The following ABHD12 variants were observed in gnomAD, a reference collection of about 807,000 sequenced individuals.
The protein encoded by ABHD12 is lysophosphatidylserine lipase ABHD12.
In ABHD12, 43 loss-of-function variants were observed where a neutral mutation model predicts 58.3. The observed-to-expected ratio is 0.74, with a 90% CI of 0.58 to 0.95. The LOEUF (loss-of-function observed/expected upper bound fraction) is 0.95, where lower values mean the gene tolerates loss of function less well. Ranked by LOEUF, ABHD12 falls within the 40% of genes least tolerant of loss-of-function variation. The pLI is 0.00. For synonymous variants in ABHD12, 219 were observed against 211.2 expected (o/e 1.04, Z -0.32); for missense variants, 539 against 537.2 (o/e 1.00, Z -0.03).
intron 1 of ABHD12, among the ~76,000 whole-genome samples, chr20:25,384,958 T>C (rs1045476609): frequency 6.6e-6 from 1 of 151,938 alleles, no homozygotes; most frequent in Admixed American, 6.6e-5. Flanking sequence ...AAAACATGTG[T>C]GTGTGTGTAT....
chr20:25,297,424 T>G (rs1370208743), downstream of ABHD12: 1 of 152,556 alleles, frequency 6.6e-6, no homozygotes, highest in Non-Finnish European at 1.5e-5. Context: ...GCCCTCCCGC[T>G]GACTCCTGCT....
chr20:25,342,648 G>A (rs1400102074), intron 1 of ABHD12, among the ~76,000 whole-genome samples: 1 of 152,064 alleles, frequency 6.6e-6, no homozygotes, highest in Non-Finnish European at 1.5e-5. Context: ...ACCCAAGCTG[G>A]AGTGCGGTGG....
At position 25,317,273 on chromosome 20, in the gene ABHD12, G is replaced by A. The variant is rs2297497; in HGVS notation, c.543-195C>T. Reference sequence around the variant, plus strand: ...GGGGAGATGGTCTTAGCACTTTGGGGGAGATTTCTTAATGACTGCTTTTAT... The same window carrying A: ...GGGGAGATGGTCTTAGCACTTTGGGAGAGATTTCTTAATGACTGCTTTTAT... On this transcript the variant is annotated intron_variant, in intron 4 of 12. Coordinates refer to ENST00000339157, the MANE Select transcript of ABHD12 (RefSeq NM_001042472.3). 0.55 allele frequency among the ~76,000 whole-genome samples: 83,603 copies of A among 151,968 alleles called. 23,619 individuals carry two copies. Among genetic ancestry groups the A allele is most frequent in the Admixed American group, 0.62 (9,413 of 15,282 alleles).
At position 25,300,903 on chromosome 20, in the gene ABHD12, A is replaced by C; in HGVS notation, c.1158-19T>G. The C allele has an allele frequency of 6.2e-7, 1 of 1,612,736 alleles. No individual in the cohort carries two copies. Among genetic ancestry groups the C allele is most frequent in the Non-Finnish European group, 8.5e-7 (1 of 1,178,926 alleles). ...GAATTCCCTAGACCACAGGACAATC[A>C]GGAGCCAATCATTTGAGCTCAGACC... On this transcript the variant is annotated intron_variant, in intron 12 of 12. Coordinates refer to ENST00000339157, the MANE Select transcript of ABHD12 (RefSeq NM_001042472.3).
intron 6 of ABHD12, among the ~76,000 whole-genome samples, chr20:25,314,445 AG>A (rs1389737422): frequency 6.6e-6 from 1 of 152,066 alleles, no homozygotes; most frequent in Non-Finnish European, 1.5e-5. Flanking sequence ...TGGAAGGCTG[AG>A]GCAGGAGGAT....
At chr20:25,386,797 C>T (rs1171952497) in intron 1 of ABHD12, among the ~76,000 whole-genome samples, 1 of 151,890 alleles carries the variant, frequency 6.6e-6, no homozygotes, top group Non-Finnish European at 1.5e-5. Context: ...CAGAGAATTG[C>T]TTGAACCTGG....
intron 1 of ABHD12, among the ~76,000 whole-genome samples, chr20:25,359,423 C>CAAAAAAAAA (rs565367954): frequency 2.4e-4 from 15 of 63,114 alleles, no homozygotes; most frequent in African/African-American, 6.2e-4. Context: ...GACTCCGTCT[C>CAAAAAAAAA]AAAAAAAAAA....
At chr20:25,354,001 G>C (rs777838475) in intron 1 of ABHD12, among the ~76,000 whole-genome samples, 1 of 152,184 alleles carries the variant, frequency 6.6e-6, no homozygotes, top group Non-Finnish European at 1.5e-5. Flanking sequence ...ACTCTCCTTC[G>C]CAGTGGTCTT....
intron 10 of ABHD12, among the ~76,000 whole-genome samples, chr20:25,304,905 AT>A (rs2088706893): frequency 6.6e-6 from 1 of 151,564 alleles, no homozygotes; most frequent in Non-Finnish European, 1.5e-5. Context: ...GTTCATTCAG[AT>A]AATTCTTTTT....
intron 3 of ABHD12, 49 bp from the exon 4 acceptor site, chr20:25,320,367 C>G: frequency 6.2e-7 from 1 of 1,607,914 alleles, no homozygotes; most frequent in Non-Finnish European, 8.5e-7. Flanking sequence ...CCCTTCTGTC[C>G]TCATCCTGGC....
chr20:25,317,409 G>A (rs2088982816), intron 4 of ABHD12, among the ~76,000 whole-genome samples: 1 of 152,158 alleles, frequency 6.6e-6, no homozygotes, highest in Non-Finnish European at 1.5e-5. Flanking sequence ...CTGTGCCAAG[G>A]ACACCCTGTG....
chr20:25,362,768 G>A (rs1487942291), intron 1 of ABHD12, among the ~76,000 whole-genome samples: 3 of 151,162 alleles, frequency 2.0e-5, no homozygotes, highest in Admixed American at 6.6e-5. Flanking sequence ...TCCAACTCCC[G>A]GGTTCAAGCA....
chr20:25,352,628 G>A (rs559921339), intron 1 of ABHD12, among the ~76,000 whole-genome samples: 154 of 152,332 alleles, frequency 1.0e-3, no homozygotes, highest in African/African-American at 3.4e-3. Context: ...GCTAAATGAA[G>A]GGACTGCTAA....
intron 1 of ABHD12, 39 bp downstream of exon 1, chr20:25,390,474 C>T (rs771602046): frequency 1.9e-6 from 2 of 1,079,070 alleles, no homozygotes; most frequent in Non-Finnish European, 1.1e-6. Flanking sequence ...AAGTGAGGGA[C>T]CGGCCCCCCC....
intron 1 of ABHD12, 36 bp downstream of exon 1, chr20:25,390,477 G>GGCCCCCCCCCCCCCCCC: frequency 1.0e-5 from 1 of 98,528 alleles, no homozygotes. Context: ...TGAGGGACCG[G>GGCCCCCCCCCCCCCCCC]CCCCCCCCCC....
chr20:25,339,012 G>T (rs1406604941), intron 2 of ABHD12: 7 of 1,331,170 alleles, frequency 5.3e-6, no homozygotes, highest in African/African-American at 3.0e-5. Context: ...GACCTTTTTG[G>T]GTAATAAAAG....
chr20:25,342,673 A>G (rs2089470449), intron 1 of ABHD12, among the ~76,000 whole-genome samples: 1 of 152,126 alleles, frequency 6.6e-6, no homozygotes, highest in African/African-American at 2.4e-5. Flanking sequence ...ATTATAGCTC[A>G]CTGCAGCCTC....
At chr20:25,342,454 ATTTTT>A (rs11477444) in intron 1 of ABHD12, among the ~76,000 whole-genome samples, 1 of 142,322 alleles carries the variant, frequency 7.0e-6, no homozygotes, top group African/African-American at 2.6e-5. Context: ...CAGATACCAC[ATTTTT>A]TTTTTTTTTT....
chr20:25,360,745 C>T (rs1231824453), intron 1 of ABHD12, among the ~76,000 whole-genome samples: 1 of 152,146 alleles, frequency 6.6e-6, no homozygotes. Context: ...CCAAAACCAG[C>T]ACAGGGGAAG....
Sources: gnomAD v4.1 joint callset for allele counts (sites outside exome capture counted in the v4.1 genomes callset) on GRCh38, gnomAD v4.1.1 for gene constraint, MANE v1.5 for transcripts, NCBI Gene and HGNC (gene_info 2026-07-23, HGNC 2026-07-21) for gene names.